TSPEAR: variants seen among roughly 807,000 people sequenced by gnomAD.
The protein encoded by TSPEAR is thrombospondin-type laminin G domain and EAR repeat-containing protein.
A neutral mutation model predicts 71.6 loss-of-function variants in TSPEAR; 69 were observed. The ratio of observed to expected loss-of-function variants is 0.96; its 90% CI spans 0.79 to 1.18. The LOEUF is 1.18. Among genes scored for constraint, TSPEAR ranks in the 50% most tolerant of loss-of-function variants. The probability of loss-of-function intolerance (pLI) is 0.00; values close to 1 mark genes in which losing one functional copy is unlikely to be tolerated. For missense variants in TSPEAR, 971 were observed against 894.9 expected, an observed-to-expected ratio of 1.09 and a Z score of -1.09; for synonymous variants, 402 against 387.2, an observed-to-expected ratio of 1.04 and a Z score of -0.45.
intron 1 of TSPEAR, among the ~76,000 whole-genome samples, chr21:44,570,882 T>C (rs587679574): frequency 6.6e-6 from 1 of 152,264 alleles, no homozygotes; most frequent in South Asian, 2.1e-4. Context: ...GTGTTGTTTA[T>C]CAAAACCTCA....
At chr21:44,550,532 A>G in intron 2 of TSPEAR, 1 of 1,135,790 alleles carries the variant, frequency 8.8e-7, no homozygotes, top group Non-Finnish European at 1.2e-6. Flanking sequence ...GCGGGAGGTC[A>G]GAGAGGAGCC....
chr21:44,657,555 T>C (rs1259243969), intron 1 of TSPEAR, among the ~76,000 whole-genome samples: 11 of 152,258 alleles, frequency 7.2e-5, no homozygotes, highest in African/African-American at 2.4e-4. Flanking sequence ...TGCCAACCTA[T>C]GCTTTAAAGT....
chr21:44,626,633 T>C (rs1367160086), intron 1 of TSPEAR, among the ~76,000 whole-genome samples: 1 of 152,072 alleles, frequency 6.6e-6, no homozygotes, highest in African/African-American at 2.4e-5. Flanking sequence ...ACAGAGGCCA[T>C]GGGGATTAGA....
chr21:44,697,785 T>C (rs782314091), intron 1 of TSPEAR: 12 of 1,613,858 alleles, frequency 7.4e-6, no homozygotes, highest in Admixed American at 1.7e-5. Context: ...TCCTCCTCCG[T>C]GTCCCTCCTC....
At position 44,525,637 on chromosome 21, in the gene TSPEAR, G is replaced by A. The variant is rs1555914822; in HGVS notation, c.1336+16C>T. ...GGAATGGTTGCCTCCCGGTGTGAAG[G>A]CCACTCCTGCCCTACCTTCCCGGTG... On this transcript the variant is annotated intron_variant, in intron 8 of 11. Coordinates refer to ENST00000323084, the MANE Select transcript of TSPEAR (RefSeq NM_144991.3). 6.2e-7 allele frequency: 1 copy of A among 1,612,138 alleles called. No homozygotes were observed. The highest frequency in any genetic ancestry group is 1.7e-5 in the Admixed American group (1 of 59,758).
intron 2 of TSPEAR, among the ~76,000 whole-genome samples, chr21:44,554,291 A>C (rs1260793089): frequency 6.6e-6 from 1 of 152,170 alleles, no homozygotes; most frequent in African/African-American, 2.4e-5. Context: ...CCAGAGCACC[A>C]CCATGTGGCA....
At chr21:44,548,215 T>TC (rs2146021973) in intron 2 of TSPEAR, among the ~76,000 whole-genome samples, 1 of 152,238 alleles carries the variant, frequency 6.6e-6, no homozygotes, top group African/African-American at 2.4e-5. Flanking sequence ...GCAAACAAGG[T>TC]CCCCTCTGCT....
intron 1 of TSPEAR, among the ~76,000 whole-genome samples, chr21:44,678,932 C>T (rs1986449660): frequency 6.6e-6 from 1 of 152,180 alleles, no homozygotes; most frequent in Non-Finnish European, 1.5e-5. Context: ...TTAACCTGTT[C>T]TGGGAAGGCC....
chr21:44,554,432 G>C (rs1436417677), intron 2 of TSPEAR, among the ~76,000 whole-genome samples: 2 of 152,216 alleles, frequency 1.3e-5, no homozygotes, highest in African/African-American at 4.8e-5. Flanking sequence ...GCAAAGACAA[G>C]AGTTCCAGAA....
At chr21:44,505,506 A>G (rs2052171950) in intron 10 of TSPEAR, among the ~76,000 whole-genome samples, 1 of 133,160 alleles carries the variant, frequency 7.5e-6, no homozygotes, top group South Asian at 2.4e-4. Flanking sequence ...ATCCACCTCC[A>G]GAACGCCTTC....
chr21:44,568,456 C>T (rs2053735967), intron 1 of TSPEAR, among the ~76,000 whole-genome samples: 1 of 152,190 alleles, frequency 6.6e-6, no homozygotes, highest in Non-Finnish European at 1.5e-5. Flanking sequence ...CTGTGCTGCC[C>T]TTGGGTGCTG....
intron 2 of TSPEAR, among the ~76,000 whole-genome samples, chr21:44,549,604 C>T (rs1374928074): frequency 6.6e-6 from 1 of 152,232 alleles, no homozygotes; most frequent in Non-Finnish European, 1.5e-5. Context: ...AACGTGGTGA[C>T]GGTCATACCT....
intron 1 of TSPEAR, among the ~76,000 whole-genome samples, chr21:44,622,221 A>C (rs1351135991): frequency 6.6e-6 from 1 of 152,222 alleles, no homozygotes; most frequent in Non-Finnish European, 1.5e-5. Context: ...TCTGCTGTGC[A>C]GGACTGGCAA....
At chr21:44,573,381 C>G (rs1270816750) in intron 1 of TSPEAR, among the ~76,000 whole-genome samples, 1 of 151,500 alleles carries the variant, frequency 6.6e-6, no homozygotes, top group Admixed American at 6.6e-5. Flanking sequence ...GAGCCACCCG[C>G]AGGCACCCAC....
chr21:44,645,747 A>T (rs1555939425), intron 1 of TSPEAR, among the ~76,000 whole-genome samples: 1 of 152,186 alleles, frequency 6.6e-6, no homozygotes, highest in African/African-American at 2.4e-5. Flanking sequence ...AAGTAATAAA[A>T]TATATCTAAT....
chr21:44,510,128 C>T (rs1180304133), intron 9 of TSPEAR, among the ~76,000 whole-genome samples: 1 of 152,224 alleles, frequency 6.6e-6, no homozygotes, highest in Non-Finnish European at 1.5e-5. Flanking sequence ...CAACCTTGAG[C>T]TGCAGGACTG....
At position 44,612,269 on chromosome 21, in the gene TSPEAR, G is replaced by A; in HGVS notation, c.83-44264C>T. Reference sequence around the variant, plus strand: ...AAGCTGCTGCGAGCCCCGCTCCTGTGCCTCCAGCTGCTGTACCCCTAGCTG... The same window carrying A: ...AAGCTGCTGCGAGCCCCGCTCCTGTACCTCCAGCTGCTGTACCCCTAGCTG... On this transcript the variant is annotated intron_variant, in intron 1 of 11. Coordinates refer to ENST00000323084, the MANE Select transcript of TSPEAR (RefSeq NM_144991.3). This position sits in a 1 kb window ranked among gnomAD's most constrained non-coding sequence, Gnocchi z 4.1. 6.2e-6 allele frequency: 10 copies of A among 1,613,492 alleles called. No homozygotes were observed. The highest frequency in any genetic ancestry group is 8.5e-6 in the Non-Finnish European group (10 of 1,179,978).
intron 2 of TSPEAR, among the ~76,000 whole-genome samples, chr21:44,554,213 A>G (rs1486535797): frequency 2.6e-5 from 4 of 152,216 alleles, no homozygotes; most frequent in African/African-American, 9.6e-5. Flanking sequence ...GAAACCGTGG[A>G]GAGATTATCT....
At chr21:44,503,065 C>CGGAG (rs2052076715) in intron 11 of TSPEAR, among the ~76,000 whole-genome samples, 2 of 132,392 alleles carry the variant, frequency 1.5e-5, no homozygotes, top group East Asian at 2.4e-4. Context: ...GGAAGCTGGC[C>CGGAG]TCGGTGAGCC....
Sources: allele counts gnomAD v4.1 joint callset (sites outside exome capture counted in the v4.1 genomes callset), GRCh38; gene constraint gnomAD v4.1.1; non-coding constraint Gnocchi (gnomAD v3.1); transcripts MANE v1.5; gene names NCBI Gene and HGNC (gene_info 2026-07-23, HGNC 2026-07-21).